The following BBS9 variants were observed in gnomAD, a reference collection of about 807,000 sequenced individuals.
BBS9 encodes the protein protein PTHB1.
Under a neutral mutation model 117.7 loss-of-function variants are expected in BBS9, and 89 were observed. That is an observed-to-expected ratio of 0.76 (90% CI 0.64 to 0.90). The LOEUF is 0.90. Ranked by LOEUF, BBS9 falls within the 40% of genes least tolerant of loss-of-function variation. BBS9 has a pLI of 0.00. For missense variants in BBS9, 982 were observed against 1,042.2 expected (o/e 0.94, Z 0.80); for synonymous variants, 379 against 370.9 (o/e 1.02, Z -0.25).
intron 21 of BBS9, among the ~76,000 whole-genome samples, chr7:33,590,655 G>A (rs1006788320): frequency 2.7e-4 from 41 of 151,272 alleles, no homozygotes; most frequent in African/African-American, 9.0e-4. Context: ...GGCAGTATAG[G>A]GCAAAAATGA....
At chr7:33,246,605 A>G (rs1437652778) in intron 5 of BBS9, among the ~76,000 whole-genome samples, 4 of 152,114 alleles carry the variant, frequency 2.6e-5, no homozygotes, top group Non-Finnish European at 5.9e-5. Context: ...GAAACTGGTT[A>G]TATTTTTAAA....
At chr7:33,138,886 G>C (rs1447195216) in intron 1 of BBS9, among the ~76,000 whole-genome samples, 1 of 151,096 alleles carries the variant, frequency 6.6e-6, no homozygotes, top group Non-Finnish European at 1.5e-5. Context: ...ACTGTGCCTT[G>C]CCAAGAAGGA....
chr7:33,347,348 A>T (rs1262706864), intron 12 of BBS9, among the ~76,000 whole-genome samples: 3 of 152,004 alleles, frequency 2.0e-5, no homozygotes, highest in African/African-American at 7.2e-5. Flanking sequence ...TTGTTTGTTT[A>T]ATGGACTAGC....
chr7:33,447,209 G>C (rs1837122200), intron 19 of BBS9, among the ~76,000 whole-genome samples: 1 of 152,212 alleles, frequency 6.6e-6, no homozygotes, highest in Admixed American at 6.5e-5. Context: ...GATTGGTAGT[G>C]TTCTCCCTTC....
chr7:33,504,763 A>G (rs1845911673), intron 19 of BBS9, among the ~76,000 whole-genome samples: 1 of 152,168 alleles, frequency 6.6e-6, no homozygotes, highest in South Asian at 2.1e-4. Context: ...GAATTATTCA[A>G]AAAGATGAAA....
chr7:33,325,432 AT>A (rs1812633405), intron 9 of BBS9, among the ~76,000 whole-genome samples: 1 of 152,028 alleles, frequency 6.6e-6, no homozygotes, highest in Non-Finnish European at 1.5e-5. Context: ...AGCTATTTTG[AT>A]TTCTCTGAAA....
At chr7:33,622,058 A>T in intron 21 of BBS9, among the ~76,000 whole-genome samples, 1 of 151,972 alleles carries the variant, frequency 6.6e-6, no homozygotes, top group East Asian at 1.9e-4. Flanking sequence ...AAAAATACAA[A>T]ATTTAGCTGA....
chr7:33,590,073 A>G (rs1307121366), intron 21 of BBS9, among the ~76,000 whole-genome samples: 1 of 152,120 alleles, frequency 6.6e-6, no homozygotes, highest in East Asian at 1.9e-4. Context: ...CTGAATGATC[A>G]GCTGTGTCAA....
At position 33,556,672 on chromosome 7, in the gene BBS9, T is replaced by G. The variant is rs1369393789; in HGVS notation, c.2521+22496T>G. 2.6e-5 allele frequency among the ~76,000 whole-genome samples: 4 copies of G among 152,194 alleles called. No homozygotes were observed. In the South Asian group the frequency reaches 8.3e-4, roughly 31 times the overall value. ...CTATTCACATTTGAAGACCTGGCAC[T>G]AAATTCAACTCAAGATGCCAGGAAA... On this transcript the variant is annotated intron_variant, in intron 21 of 22. Coordinates refer to ENST00000242067, the MANE Select transcript of BBS9 (RefSeq NM_198428.3).
chr7:33,459,682 A>G (rs1839172385), intron 19 of BBS9, among the ~76,000 whole-genome samples: 1 of 151,946 alleles, frequency 6.6e-6, no homozygotes. Flanking sequence ...TGTCTTATAT[A>G]TCTCTTGCCC....
chr7:33,377,084 A>G (rs1824035771), intron 17 of BBS9, among the ~76,000 whole-genome samples: 1 of 151,950 alleles, frequency 6.6e-6, no homozygotes, highest in Admixed American at 6.6e-5. Context: ...CTTTTGTTGC[A>G]ATTGCTTTTG....
intron 1 of BBS9, among the ~76,000 whole-genome samples, chr7:33,144,760 G>T (rs1792069828): frequency 6.6e-6 from 1 of 152,160 alleles, no homozygotes; most frequent in South Asian, 2.1e-4. Context: ...TTTGACTTAT[G>T]ATTTTTCAAC....
rs565926513 is a variant in BBS9 at position 33,535,338 on chromosome 7, T to G, written c.2521+1162T>G. On this transcript the variant is annotated intron_variant, in intron 21 of 22. Coordinates refer to ENST00000242067, the MANE Select transcript of BBS9 (RefSeq NM_198428.3). The stretch of plus-strand genomic sequence containing the variant: ...TTGGAACAGAGACACTCAAAAAATT[T>G]AAGCTGTAATTATTATCGTTGTTAT... 2.0e-5 allele frequency among the ~76,000 whole-genome samples: 3 copies of G among 152,320 alleles called. No individual in the cohort carries two copies. In the South Asian group the frequency reaches 6.2e-4, roughly 32 times the overall value.
At chr7:33,401,503 A>C (rs1296658454) in intron 19 of BBS9, among the ~76,000 whole-genome samples, 1 of 151,482 alleles carries the variant, frequency 6.6e-6, no homozygotes, top group Admixed American at 6.6e-5. Flanking sequence ...ATAGACATCA[A>C]CCAATACATG....
intron 9 of BBS9, among the ~76,000 whole-genome samples, chr7:33,327,224 TA>T (rs1813041774): frequency 6.6e-6 from 1 of 152,172 alleles, no homozygotes. Context: ...TGGAGGAACA[TA>T]TTATGTAGGG....
intron 7 of BBS9, among the ~76,000 whole-genome samples, chr7:33,265,338 A>G (rs1398581213): frequency 6.6e-6 from 1 of 152,072 alleles, no homozygotes; most frequent in Non-Finnish European, 1.5e-5. Flanking sequence ...ATTTTTTTTC[A>G]TTGGTAGTAA....
chr7:33,130,017 C>T lies in BBS9; in HGVS notation c.-36C>T, dbSNP rs909626521. Reference sequence around the variant, plus strand: ...AACGAGGGTTCGCAGAAAGGTGGGGCAGAGCTCATCTGACGTGGCATCAGG... The same window carrying T: ...AACGAGGGTTCGCAGAAAGGTGGGGTAGAGCTCATCTGACGTGGCATCAGG... On this transcript the variant is annotated 5_prime_UTR_variant, in exon 1 of 23. Coordinates refer to ENST00000242067, the MANE Select transcript of BBS9 (RefSeq NM_198428.3). 1 of 152,224 alleles carries T rather than the reference C, an allele frequency of 6.6e-6. No homozygotes were observed. The highest frequency in any genetic ancestry group is 2.1e-4 in the South Asian group (1 of 4,822). The allele number at this position is 152,224 out of a possible 1,614,324, so 9.4% of individuals were successfully genotyped here.
chr7:33,392,834 A>G (rs1054686298), intron 19 of BBS9, among the ~76,000 whole-genome samples: 40 of 152,184 alleles, frequency 2.6e-4, no homozygotes, highest in Admixed American at 2.0e-4. Context: ...AAGATAATTT[A>G]TCTGAAAATT....
At chr7:33,400,753 CAG>C (rs2128789599) in intron 19 of BBS9, among the ~76,000 whole-genome samples, 1 of 152,204 alleles carries the variant, frequency 6.6e-6, no homozygotes, top group South Asian at 2.1e-4. Context: ...TAATAGTGCT[CAG>C]AGTGTTGCTT....
Sources: gnomAD v4.1 joint callset for allele counts (sites outside exome capture counted in the v4.1 genomes callset) on GRCh38, gnomAD v4.1.1 for gene constraint, MANE v1.5 for transcripts, NCBI Gene and HGNC (gene_info 2026-07-23, HGNC 2026-07-21) for gene names.